GALK2: variants seen among roughly 807,000 people sequenced by gnomAD.
GALK2 encodes N-acetylgalactosamine kinase.
Under a neutral mutation model 52.4 loss-of-function variants are expected in GALK2, and 36 were observed. The observed-to-expected ratio is 0.69, with a 90% CI of 0.53 to 0.91. The LOEUF (loss-of-function observed/expected upper bound fraction) is 0.91, where lower values mean the gene tolerates loss of function less well. Ranked by LOEUF, GALK2 falls within the 40% of genes least tolerant of loss-of-function variation. The probability of loss-of-function intolerance (pLI) is 0.00; values close to 1 mark genes in which losing one functional copy is unlikely to be tolerated. For synonymous variants in GALK2, 176 were observed against 199.1 expected (o/e 0.88, Z 0.98); for missense variants, 579 against 559.1 (o/e 1.04, Z -0.36).
chr15:49,166,954 G>C (rs904603030), upstream of GALK2, among the ~76,000 whole-genome samples: 12 of 152,178 alleles, frequency 7.9e-5, no homozygotes, highest in Non-Finnish European at 1.8e-4. Flanking sequence ...TGTGGTCTTA[G>C]ACATTTAGTT....
At chr15:49,302,619 T>C (rs2035208761) in intron 8 of GALK2, among the ~76,000 whole-genome samples, 1 of 152,250 alleles carries the variant, frequency 6.6e-6, no homozygotes, top group African/African-American at 2.4e-5. Flanking sequence ...AGTTGAGGGT[T>C]CTCAATTATG....
intron 8 of GALK2, among the ~76,000 whole-genome samples, chr15:49,303,424 A>G (rs2035282634): frequency 1.3e-5 from 2 of 152,204 alleles, no homozygotes; most frequent in Non-Finnish European, 2.9e-5. Flanking sequence ...TAGGTAGGTC[A>G]GTACTCACAG....
At chr15:49,213,113 A>G (rs1297436274) in intron 2 of GALK2, among the ~76,000 whole-genome samples, 9 of 152,196 alleles carry the variant, frequency 5.9e-5, no homozygotes, top group Admixed American at 2.6e-4. Context: ...CTATTATTCT[A>G]TAGGCATCTA....
intron 5 of GALK2, among the ~76,000 whole-genome samples, chr15:49,246,560 A>G (rs2141544684): frequency 6.6e-6 from 1 of 152,328 alleles, no homozygotes; most frequent in Middle Eastern, 3.4e-3. Flanking sequence ...TGAAAGAGCC[A>G]GCTGGGAATA....
intron 3 of GALK2, among the ~76,000 whole-genome samples, chr15:49,235,291 A>G (rs1037230935): frequency 5.3e-5 from 8 of 152,346 alleles, no homozygotes; most frequent in Admixed American, 1.3e-4. Context: ...GCATTTTACC[A>G]TAATAAAGAG....
At chr15:49,347,159 G>T (rs1279334055) in intron 3 of GALK2, among the ~76,000 whole-genome samples, 1 of 152,076 alleles carries the variant, frequency 6.6e-6, no homozygotes, top group African/African-American at 2.4e-5. Flanking sequence ...ATTGAGGGAA[G>T]GGCTATTGAA....
At chr15:49,327,845 T>A in intron 9 of GALK2, 107 bp from the exon 10 acceptor site, 1 of 1,009,724 alleles carries the variant, frequency 9.9e-7, no homozygotes, top group South Asian at 1.9e-5. Context: ...AAACCCCGCA[T>A]GTATTTTCTT....
rs531397479 is a variant in GALK2 at position 49,344,537 on chromosome 15, A to G, written c.427-22954A>G. Among the ~76,000 whole-genome samples the G allele has an allele frequency of 1.5e-3, 224 of 152,270 alleles. 3 individuals carry two copies. Among genetic ancestry groups the G allele is most frequent in the African/African-American group, 5.1e-3 (212 of 41,556 alleles). On this transcript the variant is annotated intron_variant, in intron 3 of 3. Transcript: ENST00000558399. ...TGTTCCAATATGACACTTTCCCCAC[A>G]AGAGCCTAGCGAGGGAGGACTGTAA...
Position 49,200,901 on chromosome 15 carries a change from C to G in GALK2, c.54-261C>G, listed in dbSNP as rs566943645. ...AGCTTTTTCTGTTGGGTATATCAAT[C>G]TTAACTTTTAAATTCTTCAGTGTGC... On this transcript the variant is annotated intron_variant, in intron 1 of 9. Transcript: ENST00000560031. Among the ~76,000 whole-genome samples, 16 of 152,228 alleles carry G rather than the reference C, an allele frequency of 1.1e-4. 1 individual carries two copies. Among genetic ancestry groups the G allele is most frequent in the Admixed American group, 1.0e-3 (16 of 15,298 alleles).
At chr15:49,198,565 T>C (rs1217040925) in intron 1 of GALK2, among the ~76,000 whole-genome samples, 2 of 152,216 alleles carry the variant, frequency 1.3e-5, no homozygotes, top group Non-Finnish European at 2.9e-5. Context: ...TGTTTGTTTG[T>C]TTAATAATAT....
At chr15:49,248,611 A>G (rs1196912154) in intron 5 of GALK2, among the ~76,000 whole-genome samples, 1 of 152,206 alleles carries the variant, frequency 6.6e-6, no homozygotes, top group Non-Finnish European at 1.5e-5. Flanking sequence ...TAATGTAAAT[A>G]CAAAACCATT....
rs548320049 is a variant in GALK2 at position 49,313,511 on chromosome 15, C to T, written c.968-6093C>T. ...CCCTCTCCTGTGACATCTCCCACTA[C>T]TGGTCCTTCCCCAGCAAGCCCTGTC... On this transcript the variant is annotated intron_variant, in intron 8 of 9. Coordinates refer to ENST00000560031, the MANE Select transcript of GALK2 (RefSeq NM_002044.4). Among the ~76,000 whole-genome samples, 8 of 152,348 alleles carry T rather than the reference C, an allele frequency of 5.3e-5. No individual in the cohort carries two copies. In the South Asian group the frequency reaches 1.7e-3, roughly 32 times the overall value.
chr15:49,251,077 C>G (rs770438559), intron 5 of GALK2, among the ~76,000 whole-genome samples: 2 of 152,166 alleles, frequency 1.3e-5, no homozygotes, highest in African/African-American at 4.8e-5. Flanking sequence ...TAAAACCTTT[C>G]TGCCAAACCA....
intron 2 of GALK2, among the ~76,000 whole-genome samples, chr15:49,206,888 G>T (rs1489305185): frequency 6.6e-6 from 1 of 152,126 alleles, no homozygotes; most frequent in Non-Finnish European, 1.5e-5. Context: ...AAAAGGAGTG[G>T]TGAGAGTGGG....
chr15:49,367,480 G>C, intron 3 of GALK2: 1 of 1,598,414 alleles, frequency 6.3e-7, no homozygotes, highest in Non-Finnish European at 8.5e-7. Flanking sequence ...GTTTAATCTT[G>C]GTTTTCTTAG....
intron 5 of GALK2, among the ~76,000 whole-genome samples, chr15:49,264,475 A>G (rs949337200): frequency 3.3e-5 from 5 of 151,982 alleles, no homozygotes; most frequent in African/African-American, 1.2e-4. Context: ...ATTCGTCTAA[A>G]TTTTTTTCAA....
In GALK2 at chr15:49,228,693, T is replaced by TA. The variant is rs1566958120; in HGVS notation, c.267-7158_267-7157insA. ...TATATATATATATATATATATTTTT[T>TA]TTTTTTTTTTTTTTTTTTGCGATGG... On this transcript the variant is annotated intron_variant, in intron 3 of 9. Coordinates refer to ENST00000560031, the MANE Select transcript of GALK2 (RefSeq NM_002044.4). 1.4e-4 allele frequency among the ~76,000 whole-genome samples: 6 copies of TA among 42,642 alleles called. 1 individual carries two copies. The highest frequency in any genetic ancestry group is 8.1e-4 in the African/African-American group (6 of 7,438). 28.0% of individuals were successfully genotyped at this position (42,642 alleles called of 152,430 possible).
At chr15:49,233,513 A>G (rs1372542284) in intron 3 of GALK2, among the ~76,000 whole-genome samples, 2 of 152,116 alleles carry the variant, frequency 1.3e-5, no homozygotes, top group Non-Finnish European at 2.9e-5. Flanking sequence ...TTTTCTCCTC[A>G]TACCTGCCTA....
At chr15:49,161,003 G>T (rs1488427453) in intron 1 of GALK2, among the ~76,000 whole-genome samples, 3 of 152,184 alleles carry the variant, frequency 2.0e-5, no homozygotes, top group African/African-American at 4.8e-5. Context: ...TTTGCTCAGA[G>T]TAATCAAAGT....
Sources: gnomAD v4.1 joint callset for allele counts (sites outside exome capture counted in the v4.1 genomes callset) on GRCh38, gnomAD v4.1.1 for gene constraint, MANE v1.5 for transcripts, NCBI Gene and HGNC (gene_info 2026-07-23, HGNC 2026-07-21) for gene names.